ZYX: variants seen among roughly 807,000 people sequenced by gnomAD.
ZYX encodes the protein zyxin, also known as zyxin-2.
A neutral mutation model predicts 58.1 loss-of-function variants in ZYX; 37 were observed. The observed-to-expected ratio is 0.64, with a 90% CI of 0.49 to 0.84. ZYX has a LOEUF of 0.84. Ranked by LOEUF, ZYX falls within the 40% of genes least tolerant of loss-of-function variation. The pLI is 0.00. For missense variants in ZYX, 762 were observed against 761.6 expected, an observed-to-expected ratio of 1.00 and a Z score of -0.01; for synonymous variants, 324 against 321.1, an observed-to-expected ratio of 1.01 and a Z score of -0.10.
chr7:143,388,304 T>C lies in ZYX; in HGVS notation c.1109T>C (p.Met370Thr), dbSNP rs1177910159. ...CTGACCCAGCAGCTAATGCAGGACATGGAGCATCCTCAGAGGCAGAATGTG... is the reference window on the plus strand; with the variant it reads ...CTGACCCAGCAGCTAATGCAGGACACGGAGCATCCTCAGAGGCAGAATGTG... ...EQLTQQLMQD[M>T]EHPQRQNVAV... is the part of the protein sequence containing the mutation. The change falls in exon 6 of 10, where the codon ATG (methionine) becomes ACG (threonine). Residue 370 changes from methionine to threonine, a missense_variant. Coordinates refer to ENST00000322764, the MANE Select transcript of ZYX (RefSeq NM_003461.5). The surrounding 1 kb of genome is among the most constrained non-coding windows in gnomAD (Gnocchi z 7.5). 2 of 1,613,738 alleles carry C rather than the reference T, an allele frequency of 1.2e-6. No individual in the cohort carries two copies. Among genetic ancestry groups the C allele is most frequent in the South Asian group, 2.2e-5 (2 of 91,076 alleles).
In ZYX at chr7:143,390,583, C is replaced by A; in HGVS notation, c.1620C>A (p.Cys540Ter). The A allele has an allele frequency of 6.4e-7, 1 of 1,564,696 alleles. No individual in the cohort carries two copies. Among genetic ancestry groups the A allele is most frequent in the South Asian group, 1.2e-5 (1 of 84,960 alleles). Residue 540 changes from cysteine (C) to a stop codon, truncating the protein, a stop_gained, in exon 10 of 10, where the codon TGC becomes TGA. Transcript: ENST00000322764. LOFTEE classifies it high-confidence loss of function. The surrounding 1 kb of genome is among the most constrained non-coding windows in gnomAD (Gnocchi z 4.3). Reference protein sequence around the residue: ...FHMKCYKCEDCGKPLSIEADD... With the variant: ...FHMKCYKCED ...TCACCCTTCCTTCTTCCCAGGACTG[C>A]GGGAAGCCCCTGTCGATTGAGGCAG...
chr7:143,384,504 G>T lies in ZYX; in HGVS notation c.1023+1182G>T, dbSNP rs1489128811. Among the ~76,000 whole-genome samples, 1 of 152,060 alleles carries T rather than the reference G, an allele frequency of 6.6e-6. No homozygotes were observed. Among genetic ancestry groups the T allele is most frequent in the Non-Finnish European group, 1.5e-5 (1 of 68,022 alleles). On this transcript the variant is annotated intron_variant, in intron 5 of 9. Coordinates refer to ENST00000322764, the MANE Select transcript of ZYX (RefSeq NM_003461.5). This position sits in a 1 kb window ranked among gnomAD's most constrained non-coding sequence, Gnocchi z 4.9. ...ATGATTTTTGAGTAGGTGTGGGGTG[G>T]GTCAGGAGGGCTGGTGAAAGCAGTG... is the stretch of plus-strand genomic sequence containing the variant.
rs1041653838 is a variant in ZYX at position 143,389,454 on chromosome 7, C to G, written c.1494-403C>G. Among the ~76,000 whole-genome samples the G allele has an allele frequency of 6.6e-6, 1 of 152,168 alleles. No homozygotes were observed. Among genetic ancestry groups the G allele is most frequent in the Non-Finnish European group, 1.5e-5 (1 of 68,030 alleles). On this transcript the variant is annotated intron_variant, in intron 8 of 9. Transcript: ENST00000322764. The surrounding 1 kb of genome is among the most constrained non-coding windows in gnomAD (Gnocchi z 5.6). ...GGGGTGGCCACAACTTCACATCCCT[C>G]CACAGTGCCAGACAGTCAGGGCAGA... is the stretch of plus-strand genomic sequence containing the variant.
In ZYX at chr7:143,384,107, T is replaced by C; in HGVS notation, c.1023+785T>C. On this transcript the variant is annotated intron_variant, in intron 5 of 9. Coordinates refer to ENST00000322764, the MANE Select transcript of ZYX (RefSeq NM_003461.5). The surrounding 1 kb of genome is among the most constrained non-coding windows in gnomAD (Gnocchi z 4.9). ...CCTTCTAGTTCAGGAAATAAGATCG[T>C]CCAATTTCTGGTGACGAAGATGACC... is the stretch of plus-strand genomic sequence containing the variant. 2.2e-6 allele frequency: 1 copy of C among 450,212 alleles called. No individual in the cohort carries two copies. Among genetic ancestry groups the C allele is most frequent in the South Asian group, 1.6e-5 (1 of 61,522 alleles). The allele number at this position is 450,212 out of a possible 1,614,324, so 27.9% of individuals were successfully genotyped here.
At position 143,388,303 on chromosome 7, in the gene ZYX, A is replaced by G. The variant is rs1804939345; in HGVS notation, c.1108A>G (p.Met370Val). 7 of 1,613,814 alleles carry G rather than the reference A, an allele frequency of 4.3e-6. No individual in the cohort carries two copies. The highest frequency in any genetic ancestry group is 5.9e-6 in the Non-Finnish European group (7 of 1,179,836). Residue 370 changes from methionine (M) to valine (V), a missense_variant, in exon 6 of 10, where the codon ATG (methionine) becomes GTG (valine). Physicochemically the swap from Met to Val is conservative, Grantham distance 21 (BLOSUM62 1). Coordinates refer to ENST00000322764, the MANE Select transcript of ZYX (RefSeq NM_003461.5). The surrounding 1 kb of genome is among the most constrained non-coding windows in gnomAD (Gnocchi z 7.5). ...GCTGACCCAGCAGCTAATGCAGGAC[A>G]TGGAGCATCCTCAGAGGCAGAATGT... Reference protein sequence around the residue: ...EQLTQQLMQDMEHPQRQNVAV... With the variant: ...EQLTQQLMQDVEHPQRQNVAV...
Position 143,390,935 on chromosome 7 carries a change from C to T in ZYX, c.*253C>T. 3.9e-6 allele frequency: 2 copies of T among 510,998 alleles called. 1 individual carries two copies. Among genetic ancestry groups the T allele is most frequent in the South Asian group, 4.4e-5 (2 of 45,932 alleles). The allele number at this position is 510,998 out of a possible 1,614,324, so 31.7% of individuals were successfully genotyped here. A position where few individuals can be genotyped will look rare whatever the true frequency, so the allele number is the denominator to read the frequency against. ...TTCCAGACACCCCACCTGAGGGGGG[C>T]ACCAGGTTTAGTGCTGCTGCTTTCA... On this transcript the variant is annotated 3_prime_UTR_variant, in exon 10 of 10. Coordinates refer to ENST00000322764, the MANE Select transcript of ZYX (RefSeq NM_003461.5). This position sits in a 1 kb window ranked among gnomAD's most constrained non-coding sequence, Gnocchi z 4.3.
In ZYX at chr7:143,384,413, G is replaced by A. The variant is rs967933505; in HGVS notation, c.1023+1091G>A. ...TAGAGCTATACTTGGAGAGGCAAGCGGGGCTGGAGGGTGTAGGAGGTGAAG... is the reference window on the plus strand; with the variant it reads ...TAGAGCTATACTTGGAGAGGCAAGCAGGGCTGGAGGGTGTAGGAGGTGAAG... On this transcript the variant is annotated intron_variant, in intron 5 of 9. Coordinates refer to ENST00000322764, the MANE Select transcript of ZYX (RefSeq NM_003461.5). This position sits in a 1 kb window ranked among gnomAD's most constrained non-coding sequence, Gnocchi z 4.9. Among the ~76,000 whole-genome samples the A allele has an allele frequency of 5.3e-5, 8 of 152,152 alleles. No individual in the cohort carries two copies. Among genetic ancestry groups the A allele is most frequent in the African/African-American group, 9.7e-5 (4 of 41,432 alleles).
chr7:143,382,549 G>A, intron 3 of ZYX, 44 bp from the exon 4 acceptor site: 1 of 1,608,342 alleles, frequency 6.2e-7, no homozygotes, highest in Non-Finnish European at 8.5e-7. Flanking sequence ...TGGGGGTGGG[G>A]GGATAGAGGC....
Position 143,387,537 on chromosome 7 carries a change from C to T in ZYX, c.1024-682C>T, listed in dbSNP as rs1178795299. Among the ~76,000 whole-genome samples the T allele has an allele frequency of 6.6e-6, 1 of 152,174 alleles. No individual in the cohort carries two copies. Among genetic ancestry groups the T allele is most frequent in the African/African-American group, 2.4e-5 (1 of 41,444 alleles). On this transcript the variant is annotated intron_variant, in intron 5 of 9. Transcript: ENST00000322764. This position sits in a 1 kb window ranked among gnomAD's most constrained non-coding sequence, Gnocchi z 5.8. ...GGCAGCGCTGTCCTTAACATCCACC[C>T]CCCACTCCAGTCCCCGGGATCCCCT...
Position 143,382,359 on chromosome 7 carries a change from C to G in ZYX, c.320C>G (p.Ala107Gly). The G allele has an allele frequency of 1.9e-6, 3 of 1,599,536 alleles. No individual in the cohort carries two copies. The highest frequency in any genetic ancestry group is 2.6e-6 in the Non-Finnish European group (3 of 1,171,840). ...PPPIEESFPP[A>G]PLEEEIFPSP... ...CCGATCGAGGAATCATTTCCCCCTG[C>G]GCCTCTGGAGGAGGAGATCTTCCCT... Residue 107 changes from alanine (A) to glycine (G), a missense_variant, in exon 3 of 10, where the codon GCG becomes GGG. Ala to Gly is a moderately conservative substitution (Grantham distance 60). Coordinates refer to ENST00000322764, the MANE Select transcript of ZYX (RefSeq NM_003461.5).
rs935252867 is a variant in ZYX, at chr7:143,386,139, T to C, written c.1024-2080T>C. Reference sequence around the variant, plus strand: ...GTGTTTGAGTCTGTGGTGTAGCATATGTGGTTTTTGCAAGTTAGGGGAGAA... The same window carrying C: ...GTGTTTGAGTCTGTGGTGTAGCATACGTGGTTTTTGCAAGTTAGGGGAGAA... On this transcript the variant is annotated intron_variant, in intron 5 of 9. Transcript: ENST00000322764. Among the ~76,000 whole-genome samples, 94 of 151,884 alleles carry C rather than the reference T, an allele frequency of 6.2e-4. 1 individual carries two copies. The highest frequency in any genetic ancestry group is 6.2e-3 in the Admixed American group (94 of 15,230).
At position 143,390,634 on chromosome 7, in the gene ZYX, C is replaced by T. The variant is rs573233196; in HGVS notation, c.1671C>T (p.Asp557=). ...EADDNGCFPL[D]GHVLCRKCHT... The stretch of plus-strand genomic sequence containing the variant: ...ATGACAATGGCTGCTTCCCCCTGGA[C>T]GGTCACGTGCTCTGTCGGAAGTGCC... The change falls in exon 10 of 10, where the codon GAC becomes GAT. Residue 557 remains aspartate (D), a synonymous_variant. Transcript: ENST00000322764. The surrounding 1 kb of genome is among the most constrained non-coding windows in gnomAD (Gnocchi z 4.3). The T allele has an allele frequency of 2.7e-5, 43 of 1,587,948 alleles. No individual in the cohort carries two copies. The East Asian group carries it at 3.0e-4, about 11-fold the overall frequency.
At position 143,384,180 on chromosome 7, in the gene ZYX, T is replaced by C. The variant is rs915113909; in HGVS notation, c.1023+858T>C. On this transcript the variant is annotated intron_variant, in intron 5 of 9. Transcript: ENST00000322764. This position sits in a 1 kb window ranked among gnomAD's most constrained non-coding sequence, Gnocchi z 4.9. ...ATCCAGAGTCCACTGATAGTGTTGA[T>C]GTCTACCTACACTCGGACACAGCAT... 2.3e-5 allele frequency: 11 copies of C among 471,654 alleles called. No individual in the cohort carries two copies. Among genetic ancestry groups the C allele is most frequent in the Admixed American group, 1.9e-4 (8 of 42,576 alleles). The allele number at this position is 471,654 out of a possible 1,614,324, so 29.2% of individuals were successfully genotyped here.
In ZYX at chr7:143,382,431, T is replaced by C. The variant is rs202141975; in HGVS notation, c.392T>C (p.Ile131Thr). Reference protein sequence around the residue: ...PEEEGGPEAPIPPPPQPREKV... With the variant: ...PEEEGGPEAPTPPPPQPREKV... ...GAGGAGGGAGGGCCTGAGGCCCCCA[T>C]ACCGCCCCCACCACAGGTACGGAGG... Residue 131 changes from isoleucine to threonine, a missense_variant, in exon 3 of 10, where the codon ATA becomes ACA. Coordinates refer to ENST00000322764, the MANE Select transcript of ZYX (RefSeq NM_003461.5). 73 of 1,591,288 alleles carry C rather than the reference T, an allele frequency of 4.6e-5. 1 individual carries two copies. In the African/African-American group the frequency reaches 7.2e-4, roughly 16 times the overall value.
rs751825000 is a variant in ZYX at position 143,383,014 on chromosome 7, C to T, written c.715C>T (p.Gln239Ter). ...CAAGCCTCAGGTCCAACTCCATGTC[C>T]AGTCCCAGACCCAGCCTGTGTCTTT... The part of the protein sequence containing the change: ...QPKPQVQLHV[Q>*]SQTQPVSLAN... Residue 239 changes from glutamine (Q) to a stop codon, truncating the protein, a stop_gained, in exon 5 of 10, where the codon CAG (glutamine) becomes TAG (stop). Transcript: ENST00000322764. LOFTEE classifies it high-confidence loss of function. 3.1e-6 allele frequency: 5 copies of T among 1,613,908 alleles called. No homozygotes were observed. Among genetic ancestry groups the T allele is most frequent in the East Asian group, 2.2e-5 (1 of 44,890 alleles).
chr7:143,390,417 G>A lies in ZYX; in HGVS notation c.1615-161G>A. 1 of 629,556 alleles carries A rather than the reference G, an allele frequency of 1.6e-6. No homozygotes were observed. Among genetic ancestry groups the A allele is most frequent in the Non-Finnish European group, 2.8e-6 (1 of 354,564 alleles). The allele number at this position is 629,556 out of a possible 1,614,324, so 39.0% of individuals were successfully genotyped here. A position where few individuals can be genotyped will look rare whatever the true frequency, so the allele number is the denominator to read the frequency against. On this transcript the variant is annotated intron_variant, in intron 9 of 9. Coordinates refer to ENST00000322764, the MANE Select transcript of ZYX (RefSeq NM_003461.5). This position sits in a 1 kb window ranked among gnomAD's most constrained non-coding sequence, Gnocchi z 4.3. The stretch of plus-strand genomic sequence containing the variant: ...GGTCCTAGTGGGTGACTGGAAGTAG[G>A]ATAGGGATGGGGAGTTGGGTGTGGC...
At chr7:143,382,562 G>GGAATA in intron 3 of ZYX, 31 bp from the exon 4 acceptor site, 1 of 1,611,726 alleles carries the variant, frequency 6.2e-7, no homozygotes, top group South Asian at 1.1e-5. Flanking sequence ...ATAGAGGCAT[G>GGAATA]GAATAGGTGC....
At position 143,390,737 on chromosome 7, in the gene ZYX, A is replaced by G; in HGVS notation, c.*55A>G. 1 of 1,310,040 alleles carries G rather than the reference A, an allele frequency of 7.6e-7. No homozygotes were observed. Among genetic ancestry groups the G allele is most frequent in the Admixed American group, 2.0e-5 (1 of 50,478 alleles). 81.2% of individuals were successfully genotyped at this position (1,310,040 alleles called of 1,614,324 possible). The stretch of plus-strand genomic sequence containing the variant: ...CCATGCCCCATTGTGGACCACCCAC[A>G]CTGAGACCACCTGCCCCCACCTCAG... On this transcript the variant is annotated 3_prime_UTR_variant, in exon 10 of 10. Transcript: ENST00000322764. The surrounding 1 kb of genome is among the most constrained non-coding windows in gnomAD (Gnocchi z 4.3).
Position 143,390,782 on chromosome 7 carries a change from C to T in ZYX, c.*100C>T, listed in dbSNP as rs902138733. 6 of 929,362 alleles carry T rather than the reference C, an allele frequency of 6.5e-6. No individual in the cohort carries two copies. Among genetic ancestry groups the T allele is most frequent in the Middle Eastern group, 4.2e-4 (2 of 4,756 alleles). 57.6% of individuals were successfully genotyped at this position (929,362 alleles called of 1,614,324 possible). A position where few individuals can be genotyped will look rare whatever the true frequency, so the allele number is the denominator to read the frequency against. On this transcript the variant is annotated 3_prime_UTR_variant, in exon 10 of 10. Coordinates refer to ENST00000322764, the MANE Select transcript of ZYX (RefSeq NM_003461.5). The surrounding 1 kb of genome is among the most constrained non-coding windows in gnomAD (Gnocchi z 4.3). ...CCTCAGTTATTGTTTTGATGTCTAG[C>T]CCCTCCCATTTCCAACCCCTCCCTA... is the stretch of plus-strand genomic sequence containing the variant.
Sources: gnomAD v4.1 joint callset for allele counts (sites outside exome capture counted in the v4.1 genomes callset) on GRCh38, gnomAD v4.1.1 for gene constraint, Gnocchi (gnomAD v3.1) non-coding constraint, MANE v1.5 for transcripts, NCBI Gene and HGNC (gene_info 2026-07-23, HGNC 2026-07-21) for gene names.